The following KDM4C variants were observed in gnomAD, a reference collection of about 807,000 sequenced individuals.
KDM4C encodes lysine demethylase 4C.
KDM4C carries 81 observed loss-of-function variants against 129.3 expected under a neutral mutation model. That is an observed-to-expected ratio of 0.63 (90% confidence interval 0.52 to 0.75). KDM4C has a LOEUF of 0.75. Among genes scored for constraint, KDM4C ranks in the 30% least tolerant of loss-of-function variants. The pLI is 0.00. For missense variants in KDM4C, 1,457 were observed against 1,304.0 expected (o/e 1.12, Z -1.81); for synonymous variants, 573 against 456.1 (o/e 1.26, Z -3.26).
At chr9:7,156,374 A>T (rs975545321) in intron 19 of KDM4C, among the ~76,000 whole-genome samples, 2 of 152,110 alleles carry the variant, frequency 1.3e-5, no homozygotes, top group Admixed American at 1.3e-4. Context: ...GCCATTTGTC[A>T]ATTTTGGCTT....
At chr9:7,173,611 G>C (rs900686401) in intron 21 of KDM4C, among the ~76,000 whole-genome samples, 3 of 152,214 alleles carry the variant, frequency 2.0e-5, no homozygotes, top group Admixed American at 6.5e-5. Flanking sequence ...AAGAAGAAAG[G>C]CTGAAGGGCT....
At position 6,795,667 on chromosome 9, in the gene KDM4C, AT is replaced by A. The variant is rs1007341766; in HGVS notation, c.144+2547del. On this transcript the variant is annotated intron_variant, in intron 2 of 21. Coordinates refer to ENST00000381309, the MANE Select transcript of KDM4C (RefSeq NM_015061.6). ...TTAAAGTTCATGCCCTTCCTAGAAA[AT>A]TTTTTTTTTTTCTTTTTTTTTGAGA... is the stretch of plus-strand genomic sequence containing the variant. 3.1e-3 allele frequency among the ~76,000 whole-genome samples: 463 copies of A among 148,828 alleles called. 4 individuals are homozygous for A. The highest frequency in any genetic ancestry group is 0.01 in the African/African-American group (419 of 40,692).
chr9:6,802,544 T>A (rs1023233376), intron 2 of KDM4C, among the ~76,000 whole-genome samples: 7 of 152,188 alleles, frequency 4.6e-5, no homozygotes, highest in African/African-American at 1.7e-4. Flanking sequence ...AGTTTATAAA[T>A]ACATAAATAT....
chr9:7,097,354 G>C (rs1408349556), intron 17 of KDM4C, among the ~76,000 whole-genome samples: 2 of 152,194 alleles, frequency 1.3e-5, no homozygotes, highest in Admixed American at 6.5e-5. Context: ...GAGAAACCCT[G>C]TTTTTGCTTT....
intron 1 of KDM4C, among the ~76,000 whole-genome samples, chr9:6,731,365 T>G (rs1198254813): frequency 1.3e-5 from 2 of 149,836 alleles, no homozygotes; most frequent in African/African-American, 2.5e-5. Context: ...TCACTCTTGT[T>G]GCCCAGGCTG....
intron 1 of KDM4C, among the ~76,000 whole-genome samples, chr9:6,725,802 G>A (rs1489610987): frequency 1.8e-5 from 2 of 112,600 alleles, no homozygotes; most frequent in East Asian, 5.7e-4. Context: ...CTCCACCTCC[G>A]TGGTTCAAGC....
intron 17 of KDM4C, among the ~76,000 whole-genome samples, chr9:7,053,274 C>T (rs818866): frequency 0.04 from 6,139 of 152,258 alleles, 192 homozygotes; most frequent in Middle Eastern, 0.13. Context: ...TTTATTTATT[C>T]AGAGCTTCAA....
intron 15 of KDM4C, among the ~76,000 whole-genome samples, chr9:7,037,371 A>G (rs1329363775): frequency 1.3e-5 from 2 of 152,170 alleles, no homozygotes; most frequent in African/African-American, 2.4e-5. Context: ...GATGTTTTAT[A>G]GAAGAGACAT....
At chr9:6,894,618 GAT>G (rs1846568918) in intron 8 of KDM4C, among the ~76,000 whole-genome samples, 1 of 152,228 alleles carries the variant, frequency 6.6e-6, no homozygotes, top group Admixed American at 6.5e-5. Context: ...AGTAGCCTAT[GAT>G]ATTGGCCAGA....
chr9:6,781,689 A>G (rs531086592), intron 1 of KDM4C, among the ~76,000 whole-genome samples: 1 of 152,304 alleles, frequency 6.6e-6, no homozygotes, highest in East Asian at 1.9e-4. Context: ...GAGAGCTGAA[A>G]CAAGAAAGCC....
rs536296728 is a variant in KDM4C, at chr9:6,865,875, C to T, written c.630-14137C>T. ...ACGCCATTCTCCTGCCTCAGCCTCC[C>T]GAGTAGCTGGGACTACAGGCGCCCG... is the stretch of plus-strand genomic sequence containing the variant. On this transcript the variant is annotated intron_variant, in intron 5 of 21. Coordinates refer to ENST00000381309, the MANE Select transcript of KDM4C (RefSeq NM_015061.6). 6.5e-4 allele frequency among the ~76,000 whole-genome samples: 99 copies of T among 152,236 alleles called. 1 individual carries two copies. Among genetic ancestry groups the T allele is most frequent in the Admixed American group, 3.1e-3 (48 of 15,296 alleles).
intron 17 of KDM4C, among the ~76,000 whole-genome samples, chr9:7,066,724 G>T (rs1179833141): frequency 3.3e-5 from 5 of 152,084 alleles, no homozygotes; most frequent in Admixed American, 2.6e-4. Context: ...ATGATGTCTT[G>T]GAGTTGTTTT....
chr9:6,991,152 C>A (rs563245580), intron 12 of KDM4C, among the ~76,000 whole-genome samples: 1 of 152,138 alleles, frequency 6.6e-6, no homozygotes, highest in Admixed American at 6.5e-5. Flanking sequence ...GATCACGGCT[C>A]ACTGCAGCCT....
At chr9:7,040,044 A>C (rs1388008432) in intron 15 of KDM4C, among the ~76,000 whole-genome samples, 1 of 152,118 alleles carries the variant, frequency 6.6e-6, no homozygotes, top group Admixed American at 6.6e-5. Flanking sequence ...GGAAATTTTT[A>C]GAGGCCTTTG....
chr9:7,004,774 C>G (rs1821346406), intron 12 of KDM4C, among the ~76,000 whole-genome samples: 1 of 152,166 alleles, frequency 6.6e-6, no homozygotes, highest in Non-Finnish European at 1.5e-5. Flanking sequence ...TGGCGTCTGT[C>G]TAGATTGGCT....
At chr9:7,152,615 G>C (rs560006164) in intron 19 of KDM4C, among the ~76,000 whole-genome samples, 3 of 152,332 alleles carry the variant, frequency 2.0e-5, no homozygotes, top group Admixed American at 1.3e-4. Flanking sequence ...TCTGAAGATG[G>C]AGAGTGGTGA....
intron 4 of KDM4C, among the ~76,000 whole-genome samples, chr9:6,836,055 C>G (rs932661891): frequency 2.6e-5 from 4 of 151,932 alleles, no homozygotes; most frequent in African/African-American, 9.7e-5. Context: ...CTTTTGTCCC[C>G]CAGCTTGAGA....
At chr9:6,816,708 T>C (rs752093189) in intron 4 of KDM4C, among the ~76,000 whole-genome samples, 12 of 152,232 alleles carry the variant, frequency 7.9e-5, no homozygotes, top group African/African-American at 1.2e-4. Flanking sequence ...TCTTTAATTT[T>C]AGCCACTCTG....
chr9:6,843,083 C>G (rs1340510712), intron 4 of KDM4C, among the ~76,000 whole-genome samples: 1 of 152,220 alleles, frequency 6.6e-6, no homozygotes, highest in African/African-American at 2.4e-5. Context: ...GCATGTGCCA[C>G]CATGCCTGGC....
Sources: gnomAD v4.1 joint callset for allele counts (sites outside exome capture counted in the v4.1 genomes callset) on GRCh38, gnomAD v4.1.1 for gene constraint, MANE v1.5 for transcripts, NCBI Gene and HGNC (gene_info 2026-07-23, HGNC 2026-07-21) for gene names.